The following PKD2 variants were observed in gnomAD, a reference collection of about 807,000 sequenced individuals.
PKD2 encodes polycystin 2, transient receptor potential cation channel, also known as polycystin-2.
Under a neutral mutation model 105.9 loss-of-function variants are expected in PKD2, and 48 were observed. The ratio of observed to expected loss-of-function variants is 0.45; its 90% confidence interval spans 0.36 to 0.58. The LOEUF (loss-of-function observed/expected upper bound fraction) is 0.58. Ranked by LOEUF, PKD2 falls within the 20% of genes least tolerant of loss-of-function variation. The pLI, the probability that PKD2 is intolerant of heterozygous loss-of-function variation, is 0.00. For missense variants in PKD2, 1,078 were observed against 1,255.3 expected (o/e 0.86, Z 2.13); for synonymous variants, 464 against 481.1 (o/e 0.96, Z 0.46).
rs573871626 is a variant in PKD2, at chr4:88,075,500, A to C, written c.2713A>C (p.Met905Leu). The C allele has an allele frequency of 1.4e-4, 222 of 1,614,184 alleles. No individual in the cohort carries two copies. In the South Asian group the frequency reaches 2.2e-3, roughly 16 times the overall value. ...TGACAGTGAAATCCATAGGGAACAG[A>C]TGGAACGGCTAGTACGTGAAGAGTT... ...GRDSEIHREQMERLVREELER... is the reference protein window; with the variant it reads ...GRDSEIHREQLERLVREELER... Residue 905 changes from methionine to leucine, a missense_variant, in exon 15 of 15, where the codon ATG (methionine) becomes CTG (leucine). Met to Leu is a conservative substitution (Grantham distance 15, BLOSUM62 2). Transcript: ENST00000237596.
Position 88,068,035 on chromosome 4 carries a change from TG to T in PKD2, c.2498del (p.Gly833AlafsTer11). 1 of 1,614,112 alleles carries T rather than the reference TG, an allele frequency of 6.2e-7. No individual in the cohort carries two copies. The highest frequency in any genetic ancestry group is 8.5e-7 in the Non-Finnish European group (1 of 1,179,966). On this transcript the variant is annotated frameshift_variant, in exon 13 of 15. Transcript: ENST00000237596. LOFTEE classifies it high-confidence loss of function. ...SSRRRGSISS[G>X]VSYEEFQVLV... ...CCAGAAGGAGGGGAAGCATTTCTAG[TG>T]GCGTTTCTTACGAAGAGTTTCAAGT... is the stretch of plus-strand genomic sequence containing the variant.
chr4:88,065,251 C>G (rs918729097), intron 10 of PKD2, 123 bp from the exon 11 acceptor site: 1 of 828,266 alleles, frequency 1.2e-6, no homozygotes, highest in Non-Finnish European at 2.1e-6. Context: ...TCATCCAGCA[C>G]GTACTTGTTG....
intron 2 of PKD2, among the ~76,000 whole-genome samples, chr4:88,033,903 T>TA (rs1727244523): frequency 6.6e-6 from 1 of 152,304 alleles, no homozygotes; most frequent in Middle Eastern, 3.4e-3. Flanking sequence ...GCTATAGACT[T>TA]ACAGACGGCT....
In PKD2 at chr4:88,052,108, A is replaced by C; in HGVS notation, c.1666A>C (p.Ile556Leu). 2.5e-6 allele frequency: 4 copies of C among 1,608,868 alleles called. No individual in the cohort carries two copies. Among genetic ancestry groups the C allele is most frequent in the Non-Finnish European group, 3.4e-6 (4 of 1,175,404 alleles). The part of the protein sequence containing the change: ...PNFEHLAYWQ[I>L]QFNNIAAVTV... The stretch of plus-strand genomic sequence containing the variant: ...CTTTGAGCATCTGGCATATTGGCAG[A>C]TACAGTTCAACAATATAGCTGCTGT... Residue 556 changes from isoleucine to leucine, a missense_variant, in exon 7 of 15, where the codon ATA becomes CTA. Ile to Leu is a conservative substitution (Grantham distance 5, BLOSUM62 2). Around this residue, in one of 2 missense-constraint regions of PKD2, gnomAD observed 868 missense variants for 1,067.3 expected, o/e 0.81. Coordinates refer to ENST00000237596, the MANE Select transcript of PKD2 (RefSeq NM_000297.4).
At chr4:88,073,228 A>G (rs1449814173) in intron 13 of PKD2, among the ~76,000 whole-genome samples, 1 of 150,514 alleles carries the variant, frequency 6.6e-6, no homozygotes, top group Non-Finnish European at 1.5e-5. Context: ...CTTTTGTAAC[A>G]AGAGTGGGAA....
Position 88,008,132 on chromosome 4 carries a change from C to G in PKD2, c.399C>G (p.Ser133=). 1 of 1,489,622 alleles carries G rather than the reference C, an allele frequency of 6.7e-7. No homozygotes were observed. The highest frequency in any genetic ancestry group is 8.9e-7 in the Non-Finnish European group (1 of 1,124,036). 92.3% of individuals were successfully genotyped at this position (1,489,622 alleles called of 1,614,324 possible). Residue 133 remains serine (S), a synonymous_variant, in exon 1 of 15, where the codon TCC becomes TCG. Transcript: ENST00000237596. ...CGGCCGCCTCCTCGGCCGTGAGCTC[C>G]GTGGGCGCGCGGAGCCGGGGGCTTG... ...RRSAASSAVS[S]VGARSRGLGG...
In PKD2 at chr4:88,027,205, G is replaced by A. The variant is rs139920163; in HGVS notation, c.709+7634G>A. Among the ~76,000 whole-genome samples the A allele has an allele frequency of 2.5e-3, 374 of 152,320 alleles. 3 individuals carry two copies. Among genetic ancestry groups the A allele is most frequent in the African/African-American group, 8.6e-3 (359 of 41,578 alleles). ...CACTCTGCGCTTAGAAAAGCTGCAG[G>A]CACTCAATGCCAGCCTGTGAAAGCA... On this transcript the variant is annotated intron_variant, in intron 2 of 14. Coordinates refer to ENST00000237596, the MANE Select transcript of PKD2 (RefSeq NM_000297.4).
rs1238860878 is a variant in PKD2 at position 88,061,974 on chromosome 4, T to C, written c.2088T>C (p.Ala696=). 5 of 1,565,984 alleles carry C rather than the reference T, an allele frequency of 3.2e-6. No homozygotes were observed. The African/African-American group carries it at 4.1e-5, about 13-fold the overall frequency. The change falls in exon 10 of 15, where the codon GCT becomes GCC. Residue 696 remains alanine (A), a synonymous_variant. Transcript: ENST00000237596. The part of the protein sequence containing the change: ...EVKSDLAQQK[A]EMELSDLIRK... ...AATCTGACTTGGCACAGCAGAAAGC[T>C]GAAATGGAACTCTCAGATCTTATCA...
At position 88,015,865 on chromosome 4, in the gene PKD2, A is replaced by G. The variant is rs187874961; in HGVS notation, c.596-3593A>G. On this transcript the variant is annotated intron_variant, in intron 1 of 14. Transcript: ENST00000237596. ...CCCAGTGTTCCTATTAATAAGTAAC[A>G]TTGAGCAGAGGAATGCACTGTTTAG... is the stretch of plus-strand genomic sequence containing the variant. 8.2e-4 allele frequency among the ~76,000 whole-genome samples: 125 copies of G among 152,328 alleles called. 1 individual carries two copies. Among genetic ancestry groups the G allele is most frequent in the African/African-American group, 3.0e-3 (125 of 41,568 alleles).
intron 6 of PKD2, among the ~76,000 whole-genome samples, chr4:88,048,387 T>C (rs897128616): frequency 3.3e-5 from 5 of 152,318 alleles, no homozygotes; most frequent in Admixed American, 6.5e-5. Flanking sequence ...ATGGAAAATA[T>C]ATTATTCATA....
At chr4:88,059,378 G>A (rs530720919) in intron 9 of PKD2, among the ~76,000 whole-genome samples, 10 of 152,114 alleles carry the variant, frequency 6.6e-5, no homozygotes, top group East Asian at 1.9e-4. Context: ...ATAGTACTTC[G>A]GATTCTAGAG....
At chr4:88,065,077 A>G (rs570752948) in intron 10 of PKD2, among the ~76,000 whole-genome samples, 66 of 152,330 alleles carry the variant, frequency 4.3e-4, no homozygotes, top group South Asian at 2.3e-3. Context: ...TCTGAGGCAG[A>G]CAGCTATAGC....
chr4:88,019,418 T>C, intron 1 of PKD2, 40 bp from the exon 2 acceptor site: 2 of 1,054,002 alleles, frequency 1.9e-6, no homozygotes, highest in Non-Finnish European at 2.9e-6. Context: ...ATTTCTTAAA[T>C]AAAATGATAT....
At chr4:88,023,654 C>T (rs190546414) in intron 2 of PKD2, among the ~76,000 whole-genome samples, 1 of 152,302 alleles carries the variant, frequency 6.6e-6, no homozygotes, top group East Asian at 1.9e-4. Flanking sequence ...ATTAACATTT[C>T]TAAGCCTTTG....
At chr4:88,032,751 G>A (rs1197181291) in intron 2 of PKD2, among the ~76,000 whole-genome samples, 2 of 152,168 alleles carry the variant, frequency 1.3e-5, no homozygotes, top group Non-Finnish European at 2.9e-5. Flanking sequence ...GAGAAGTGAT[G>A]TTAACAGTTT....
intron 5 of PKD2, among the ~76,000 whole-genome samples, chr4:88,043,740 A>G (rs1727665496): frequency 6.6e-6 from 1 of 152,188 alleles, no homozygotes; most frequent in Admixed American, 6.5e-5. Flanking sequence ...GTGTTTTTCT[A>G]ACATCTGTCT....
intron 10 of PKD2, among the ~76,000 whole-genome samples, chr4:88,064,621 A>C (rs1720716878): frequency 6.6e-6 from 1 of 152,106 alleles, no homozygotes; most frequent in South Asian, 2.1e-4. Flanking sequence ...GGCCAGGGGC[A>C]GTGGCTCACC....
chr4:88,045,608 A>G (rs1157599093), intron 5 of PKD2, among the ~76,000 whole-genome samples: 1 of 152,224 alleles, frequency 6.6e-6, no homozygotes, highest in Non-Finnish European at 1.5e-5. Context: ...AGAAGTCTGT[A>G]TCATTAACTG....
rs7675882 is a variant in PKD2 at position 88,042,564 on chromosome 4, C to T, written c.1095-669C>T. Reference sequence around the variant, plus strand: ...GTCCAACACAGCTTCTTCCTAAAGCCTTTTCTAATCCATCCCTCCACTGCC... The same window carrying T: ...GTCCAACACAGCTTCTTCCTAAAGCTTTTTCTAATCCATCCCTCCACTGCC... On this transcript the variant is annotated intron_variant, in intron 4 of 14. Coordinates refer to ENST00000237596, the MANE Select transcript of PKD2 (RefSeq NM_000297.4). 9.3e-3 allele frequency among the ~76,000 whole-genome samples: 1,409 copies of T among 152,284 alleles called. 16 individuals carry two copies. Among genetic ancestry groups the T allele is most frequent in the African/African-American group, 0.031 (1,299 of 41,556 alleles).
Sources: allele counts gnomAD v4.1 joint callset (sites outside exome capture counted in the v4.1 genomes callset), GRCh38; gene constraint gnomAD v4.1.1; regional missense constraint gnomAD v4.1.1; transcripts MANE v1.5; gene names NCBI Gene and HGNC (gene_info 2026-07-23, HGNC 2026-07-21).